Variants in SPOPL observed in about 807,000 individuals in gnomAD.
SPOPL encodes speckle type BTB/POZ protein like, also known as speckle-type POZ protein-like.
Under a neutral mutation model 53.8 loss-of-function variants are expected in SPOPL, and 23 were observed. The ratio of observed to expected loss-of-function variants is 0.43; its 90% confidence interval spans 0.31 to 0.61. The LOEUF is 0.61. Among genes scored for constraint, SPOPL ranks in the 20% least tolerant of loss-of-function variants. SPOPL has a pLI of 0.12. For synonymous variants in SPOPL, 164 were observed against 149.7 expected, an observed-to-expected ratio of 1.10 and a Z score of -0.70; for missense variants, 442 against 466.9, an observed-to-expected ratio of 0.95 and a Z score of 0.49.
chr2:138,513,798 T>C (rs1006121025), intron 1 of SPOPL, among the ~76,000 whole-genome samples: 22 of 151,980 alleles, frequency 1.4e-4, no homozygotes, highest in South Asian at 4.2e-4. Context: ...TTCTTTGTTT[T>C]GATATAAACA....
intron 1 of SPOPL, among the ~76,000 whole-genome samples, chr2:138,544,518 T>C (rs1205652570): frequency 6.6e-6 from 1 of 152,162 alleles, no homozygotes. Context: ...CCCTGGGCGT[T>C]AAGACCCTCC....
intron 4 of SPOPL, 37 bp from the exon 5 acceptor site, chr2:138,552,517 A>G (rs1262870916): frequency 6.3e-7 from 1 of 1,578,458 alleles, no homozygotes; most frequent in Non-Finnish European, 8.6e-7. Flanking sequence ...TCTCTTGGAT[A>G]TTTATTTTAT....
At chr2:138,533,344 T>C (rs10803568) in intron 1 of SPOPL, among the ~76,000 whole-genome samples, 119,022 of 151,978 alleles carry the variant, frequency 0.78, 47,116 homozygotes, top group Middle Eastern at 0.86. Context: ...TCAGGACATT[T>C]TCTGTGTCCT....
At chr2:138,557,623 A>G (rs1285686350) in intron 5 of SPOPL, among the ~76,000 whole-genome samples, 2 of 152,208 alleles carry the variant, frequency 1.3e-5, no homozygotes, top group Non-Finnish European at 2.9e-5. Flanking sequence ...TAAAAGCCTA[A>G]TGAAATATTG....
chr2:138,564,639 C>A, intron 8 of SPOPL, 69 bp from the exon 9 acceptor site: 1 of 1,537,570 alleles, frequency 6.5e-7, no homozygotes, highest in South Asian at 1.3e-5. Flanking sequence ...TTCCAAGTTG[C>A]AAATGTATCA....
chr2:138,509,705 A>G (rs1225455936), intron 1 of SPOPL, among the ~76,000 whole-genome samples: 3 of 152,152 alleles, frequency 2.0e-5, no homozygotes, highest in African/African-American at 4.8e-5. Context: ...AGCCTCCTCC[A>G]TTATCACCAT....
intron 1 of SPOPL, among the ~76,000 whole-genome samples, chr2:138,549,319 CT>C (rs140437204): frequency 0.011 from 1,658 of 152,168 alleles, 34 homozygotes; most frequent in African/African-American, 0.038. Flanking sequence ...GTCTTAAAGT[CT>C]TGTTTTGTCT....
chr2:138,532,506 A>T (rs1342243925), intron 1 of SPOPL, among the ~76,000 whole-genome samples: 1 of 144,872 alleles, frequency 6.9e-6, no homozygotes, highest in Non-Finnish European at 1.5e-5. Context: ...GGCTCACTGC[A>T]AGCTCTGCCT....
intron 1 of SPOPL, among the ~76,000 whole-genome samples, chr2:138,533,404 A>C (rs1684855957): frequency 6.6e-6 from 1 of 152,140 alleles, no homozygotes; most frequent in Non-Finnish European, 1.5e-5. Flanking sequence ...TATCATATTC[A>C]AAATATCTCC....
intron 1 of SPOPL, among the ~76,000 whole-genome samples, chr2:138,534,482 G>A (rs931211233): frequency 6.6e-6 from 1 of 152,052 alleles, no homozygotes; most frequent in Non-Finnish European, 1.5e-5. Flanking sequence ...GTATCCATGG[G>A]AGTCCTGGAA....
At chr2:138,557,844 T>A (rs1685460898) in intron 5 of SPOPL, among the ~76,000 whole-genome samples, 1 of 152,220 alleles carries the variant, frequency 6.6e-6, no homozygotes, top group Admixed American at 6.5e-5. Context: ...TTTAATAGCA[T>A]AGTAGAATCC....
Position 138,552,603 on chromosome 2 carries a change from A to G in SPOPL, c.402A>G (p.Lys134=), listed in dbSNP as rs1479270617. Residue 134 remains lysine, a synonymous_variant, in exon 5 of 11, where the codon AAA becomes AAG. Transcript: ENST00000280098. ...TGCAAGGGAAGGACTGGGGTTTTAA[A>G]AAATTCATTAGAAGGGACTTTTTGC... The part of the protein sequence containing the change: ...RFVQGKDWGF[K]KFIRRDFLLD... 6.2e-7 allele frequency: 1 copy of G among 1,613,228 alleles called. No individual in the cohort carries two copies. Among genetic ancestry groups the G allele is most frequent in the Admixed American group, 1.7e-5 (1 of 59,990 alleles).
At chr2:138,509,073 T>G (rs896714754) in intron 1 of SPOPL, among the ~76,000 whole-genome samples, 2 of 152,152 alleles carry the variant, frequency 1.3e-5, no homozygotes, top group Non-Finnish European at 2.9e-5. Context: ...GCTAGCAGAT[T>G]AAAATGATTT....
intron 1 of SPOPL, among the ~76,000 whole-genome samples, chr2:138,502,793 C>A (rs2104849116): frequency 6.6e-6 from 1 of 152,278 alleles, no homozygotes; most frequent in East Asian, 1.9e-4. Flanking sequence ...TTTCCTAATT[C>A]TTTTTGAGTC....
intron 1 of SPOPL, among the ~76,000 whole-genome samples, chr2:138,508,583 A>G (rs566299298): frequency 4.3e-4 from 65 of 152,230 alleles, no homozygotes; most frequent in South Asian, 1.9e-3. Context: ...CTCCCACCTC[A>G]GCCTCCCAAA....
intron 8 of SPOPL, among the ~76,000 whole-genome samples, chr2:138,561,378 CT>C (rs1395206180): frequency 6.6e-6 from 1 of 151,896 alleles, no homozygotes; most frequent in Non-Finnish European, 1.5e-5. Flanking sequence ...TTTTATAATA[CT>C]TTTTTGTAAT....
rs1053662105 is a variant in SPOPL, at chr2:138,572,109, A to G, written c.*3029A>G. The G allele has an allele frequency of 1.3e-5, 2 of 152,474 alleles. No homozygotes were observed. The highest frequency in any genetic ancestry group is 3.9e-4 in the East Asian group (2 of 5,190). The allele number at this position is 152,474 out of a possible 1,614,324, so 9.4% of individuals were successfully genotyped here. On this transcript the variant is annotated 3_prime_UTR_variant, in exon 11 of 11. Transcript: ENST00000280098. ...AAAGAGTGAATTTCTGGAAATAGAA[A>G]TCAGTTAAATGTTGAAAGTTCAGGT...
In SPOPL at chr2:138,565,012, C is replaced by G; in HGVS notation, c.1034+19C>G. On this transcript the variant is annotated intron_variant, in intron 10 of 10. Transcript: ENST00000280098. ...ACAGCAAGTAAGATGACATCAGTTT[C>G]TGACTCAAAGTTGCTCTACATAAGT... 2 of 1,613,614 alleles carry G rather than the reference C, an allele frequency of 1.2e-6. No individual in the cohort carries two copies. The highest frequency in any genetic ancestry group is 1.7e-6 in the Non-Finnish European group (2 of 1,179,932).
rs943439022 is a variant in SPOPL, at chr2:138,554,390, C to T, written c.480+1709C>T. 14 of 1,078,216 alleles carry T rather than the reference C, an allele frequency of 1.3e-5. No individual in the cohort carries two copies. The Admixed American group carries it at 3.3e-4, about 25-fold the overall frequency. The allele number at this position is 1,078,216 out of a possible 1,614,324, so 66.8% of individuals were successfully genotyped here. On this transcript the variant is annotated intron_variant, in intron 5 of 10. Transcript: ENST00000280098. ...GTACTTTTAACTAACATTCTTCATG[C>T]CCTCCACTGTTTGTTCCACCCCGCT...
Sources: allele counts gnomAD v4.1 joint callset (sites outside exome capture counted in the v4.1 genomes callset), GRCh38; gene constraint gnomAD v4.1.1; transcripts MANE v1.5; gene names NCBI Gene and HGNC (gene_info 2026-07-23, HGNC 2026-07-21).